CENPP: variants seen among roughly 807,000 people sequenced by gnomAD.
CENPP encodes the protein centromere protein P.
CENPP carries 24 observed loss-of-function variants against 35.6 expected under a neutral mutation model. The ratio of observed to expected loss-of-function variants is 0.67; its 90% CI spans 0.49 to 0.95. The LOEUF (loss-of-function observed/expected upper bound fraction) is 0.95, where lower values mean the gene tolerates loss of function less well. CENPP is among the 40% of genes least tolerant of loss of function. The pLI is 0.00. For missense variants in CENPP, 332 were observed against 345.3 expected, an observed-to-expected ratio of 0.96 and a Z score of 0.31; for synonymous variants, 120 against 125.5, an observed-to-expected ratio of 0.96 and a Z score of 0.29.
At chr9:92,451,162 G>A (rs1303581346) in intron 5 of CENPP, among the ~76,000 whole-genome samples, 2 of 148,512 alleles carry the variant, frequency 1.3e-5, no homozygotes, top group Non-Finnish European at 3.0e-5. Context: ...TAGACATGAA[G>A]TCCTTGCCCA....
At chr9:92,338,419 A>G (rs1841000583) in intron 3 of CENPP, among the ~76,000 whole-genome samples, 1 of 152,186 alleles carries the variant, frequency 6.6e-6, no homozygotes. Context: ...AGTCCCTTCT[A>G]TAAAATCGTG....
chr9:92,538,314 A>G (rs1258265957), intron 5 of CENPP, among the ~76,000 whole-genome samples: 1 of 152,198 alleles, frequency 6.6e-6, no homozygotes, highest in Admixed American at 6.5e-5. Flanking sequence ...AAAACTGTAC[A>G]TGTATTATGA....
At chr9:92,474,541 A>C in intron 5 of CENPP, 2 of 1,509,906 alleles carry the variant, frequency 1.3e-6, no homozygotes, top group Non-Finnish European at 8.8e-7. Flanking sequence ...TTATTTTTGA[A>C]ATTTCAATGA....
chr9:92,562,992 A>G (rs1003394992), intron 5 of CENPP, among the ~76,000 whole-genome samples: 2 of 152,090 alleles, frequency 1.3e-5, no homozygotes, highest in Non-Finnish European at 2.9e-5. Context: ...GTCCAGGGGG[A>G]TGAAAAATTA....
chr9:92,430,419 TTC>T (rs1025199129), intron 5 of CENPP, among the ~76,000 whole-genome samples: 2 of 151,924 alleles, frequency 1.3e-5, no homozygotes, highest in African/African-American at 4.8e-5. Flanking sequence ...TATCCATCTC[TTC>T]TCTCTCTTTT....
intron 1 of CENPP, among the ~76,000 whole-genome samples, chr9:92,330,089 T>G (rs912212977): frequency 6.6e-6 from 1 of 152,226 alleles, no homozygotes; most frequent in Non-Finnish European, 1.5e-5. Flanking sequence ...GAGCATTGGT[T>G]AATGTAGTAG....
chr9:92,411,064 TC>T (rs1843431772), intron 5 of CENPP, among the ~76,000 whole-genome samples: 1 of 151,972 alleles, frequency 6.6e-6, no homozygotes, highest in Admixed American at 6.6e-5. Flanking sequence ...AAGCTCTGCC[TC>T]CCCAGTTCAC....
chr9:92,417,553 A>T, intron 5 of CENPP: 2 of 1,556,916 alleles, frequency 1.3e-6, no homozygotes, highest in Non-Finnish European at 1.7e-6. Context: ...GACTTAAAAA[A>T]CCCATCTTCT....
At chr9:92,453,210 C>T (rs1564327717) in intron 5 of CENPP, among the ~76,000 whole-genome samples, 3 of 151,828 alleles carry the variant, frequency 2.0e-5, no homozygotes, top group Non-Finnish European at 4.4e-5. Flanking sequence ...AATTTTGGAT[C>T]TTTCCTGCTT....
chr9:92,533,158 G>T (rs1315793815), intron 5 of CENPP, among the ~76,000 whole-genome samples: 1 of 150,458 alleles, frequency 6.6e-6, no homozygotes, highest in Non-Finnish European at 1.5e-5. Context: ...AAATTAGCTG[G>T]GTGTGGTGGC....
chr9:92,356,520 T>G (rs569198117), intron 4 of CENPP, among the ~76,000 whole-genome samples: 139 of 152,212 alleles, frequency 9.1e-4, no homozygotes, highest in Non-Finnish European at 1.7e-3. Flanking sequence ...AACACAGTTG[T>G]CACAGTGGTC....
At chr9:92,489,700 T>C (rs1031168461) in intron 5 of CENPP, among the ~76,000 whole-genome samples, 7 of 151,832 alleles carry the variant, frequency 4.6e-5, no homozygotes, top group South Asian at 2.1e-4. Context: ...CTGGAGATCC[T>C]GCTCAGATGT....
intron 5 of CENPP, among the ~76,000 whole-genome samples, chr9:92,555,209 T>G (rs1168081633): frequency 6.1e-5 from 9 of 146,728 alleles, no homozygotes; most frequent in Admixed American, 1.4e-4. Context: ...GACTTTTTTT[T>G]GGAAATTTTT....
chr9:92,511,424 CTG>C (rs1020410956), intron 5 of CENPP, among the ~76,000 whole-genome samples: 7 of 122,990 alleles, frequency 5.7e-5, no homozygotes, highest in African/African-American at 2.8e-4. Flanking sequence ...TGTGCCTGGC[CTG>C]TTTTTTTTTT....
At chr9:92,582,406 A>C (rs577871448) in intron 5 of CENPP, among the ~76,000 whole-genome samples, 1 of 152,362 alleles carries the variant, frequency 6.6e-6, no homozygotes, top group East Asian at 1.9e-4. Context: ...AAGGAAAAAA[A>C]TAATTTTAAA....
intron 5 of CENPP, among the ~76,000 whole-genome samples, chr9:92,448,266 C>T (rs1009795178): frequency 2.7e-5 from 4 of 150,362 alleles, no homozygotes; most frequent in African/African-American, 9.8e-5. Flanking sequence ...GGGTTTTTCT[C>T]TTTTTTCTTT....
At chr9:92,531,742 C>A (rs1848767548) in intron 5 of CENPP, among the ~76,000 whole-genome samples, 1 of 152,078 alleles carries the variant, frequency 6.6e-6, no homozygotes, top group African/African-American at 2.4e-5. Context: ...TCGTTCCTTC[C>A]TATATCTACT....
At chr9:92,442,812 G>T (rs935804978) in intron 5 of CENPP, among the ~76,000 whole-genome samples, 1 of 151,142 alleles carries the variant, frequency 6.6e-6, no homozygotes, top group Non-Finnish European at 1.5e-5. Flanking sequence ...TCACGCCACT[G>T]CATTCCAGCC....
At chr9:92,474,801 C>A (rs1180063591) in intron 5 of CENPP, 1 of 1,612,854 alleles carries the variant, frequency 6.2e-7, no homozygotes, top group South Asian at 1.1e-5. Flanking sequence ...TCTTCCATAT[C>A]CTTCAGCATC....
Sources: allele counts gnomAD v4.1 joint callset (sites outside exome capture counted in the v4.1 genomes callset), GRCh38; gene constraint gnomAD v4.1.1; transcripts MANE v1.5; gene names NCBI Gene and HGNC (gene_info 2026-07-23, HGNC 2026-07-21).